LCP2: variants seen among roughly 807,000 people sequenced by gnomAD.
LCP2 encodes lymphocyte cytosolic protein 2, also known as 76 kDa tyrosine phosphoprotein.
A neutral mutation model predicts 74.5 loss-of-function variants in LCP2; 29 were observed. That is an observed-to-expected ratio of 0.39 (90% CI 0.29 to 0.53). LCP2 has a LOEUF of 0.53. Among genes scored for constraint, LCP2 ranks in the 20% least tolerant of loss-of-function variants. The probability of loss-of-function intolerance (pLI) is 0.72; values close to 1 mark genes in which losing one functional copy is unlikely to be tolerated. For synonymous variants in LCP2, 228 were observed against 229.5 expected (o/e 0.99, Z 0.06); for missense variants, 604 against 634.6 (o/e 0.95, Z 0.52).
intron 14 of LCP2, 21 bp downstream of exon 14, chr5:170,261,086 A>C (rs774879370): frequency 1.9e-6 from 3 of 1,578,528 alleles, no homozygotes; most frequent in Non-Finnish European, 2.6e-6. Flanking sequence ...AAGCACTTAC[A>C]AACTGACATT....
At chr5:170,282,525 G>C (rs1431989424) in intron 3 of LCP2, among the ~76,000 whole-genome samples, 1 of 152,158 alleles carries the variant, frequency 6.6e-6, no homozygotes, top group Non-Finnish European at 1.5e-5. Context: ...GTCAGCTTTA[G>C]AGCCTGGATC....
At chr5:170,282,208 G>A (rs1217198166) in intron 3 of LCP2, among the ~76,000 whole-genome samples, 1 of 152,142 alleles carries the variant, frequency 6.6e-6, no homozygotes, top group African/African-American at 2.4e-5. Flanking sequence ...TAAACGTCAG[G>A]GAAGGAAATA....
At chr5:170,260,300 G>A (rs1761629113) in intron 14 of LCP2, among the ~76,000 whole-genome samples, 1 of 152,160 alleles carries the variant, frequency 6.6e-6, no homozygotes, top group Non-Finnish European at 1.5e-5. Context: ...CACTTCATCG[G>A]AACAAGCACA....
rs1457299346 is a variant in LCP2 at position 170,247,592 on chromosome 5, A to G, written c.*1105T>C. 6.6e-6 allele frequency: 1 copy of G among 152,224 alleles called. No individual in the cohort carries two copies. The highest frequency in any genetic ancestry group is 1.5e-5 in the Non-Finnish European group (1 of 68,040). The allele number at this position is 152,224 out of a possible 1,614,324, so 9.4% of individuals were successfully genotyped here. On this transcript the variant is annotated 3_prime_UTR_variant, in exon 21 of 21. Coordinates refer to ENST00000046794, the MANE Select transcript of LCP2 (RefSeq NM_005565.5). ...TATTTGGCTGAATACCAGTTTTTTA[A>G]TCTGGCTGAATGCCTATATTTTTTG...
chr5:170,265,548 T>TC (rs1277878019), intron 10 of LCP2, among the ~76,000 whole-genome samples: 2 of 152,218 alleles, frequency 1.3e-5, no homozygotes, highest in African/African-American at 4.8e-5. Context: ...ATGTCTCGGC[T>TC]CGTGGTAGTG....
chr5:170,266,081 T>C (rs955379291), intron 10 of LCP2, among the ~76,000 whole-genome samples: 5 of 152,228 alleles, frequency 3.3e-5, no homozygotes, highest in Non-Finnish European at 5.9e-5. Flanking sequence ...GGATTAGAGA[T>C]ACTGTAGGTG....
chr5:170,257,213 A>C (rs1176878954), intron 16 of LCP2, among the ~76,000 whole-genome samples: 1 of 152,100 alleles, frequency 6.6e-6, no homozygotes, highest in Non-Finnish European at 1.5e-5. Flanking sequence ...TGTGCAAATG[A>C]AGGATGGGGT....
chr5:170,285,379 G>T (rs186128200), intron 3 of LCP2, among the ~76,000 whole-genome samples: 1 of 152,054 alleles, frequency 6.6e-6, no homozygotes, highest in Non-Finnish European at 1.5e-5. Flanking sequence ...TTTGTTGTGG[G>T]TTATATTTTC....
intron 3 of LCP2, among the ~76,000 whole-genome samples, chr5:170,277,235 T>C (rs1365865024): frequency 1.3e-5 from 2 of 152,156 alleles, no homozygotes; most frequent in Non-Finnish European, 2.9e-5. Context: ...GTCAGTTCCC[T>C]TTCTGCTGCA....
Position 170,256,577 on chromosome 5 carries a change from TGAG to T in LCP2, c.1101-5_1101-3del. 1 of 1,610,334 alleles carries T rather than the reference TGAG, an allele frequency of 6.2e-7. No individual in the cohort carries two copies. The highest frequency in any genetic ancestry group is 8.5e-7 in the Non-Finnish European group (1 of 1,176,674). On this transcript the variant is annotated splice_region_variant and splice_polypyrimidine_tract_variant and intron_variant, in intron 16 of 20. Transcript: ENST00000046794. This position sits in a 1 kb window ranked among gnomAD's most constrained non-coding sequence, Gnocchi z 4.5. ...GCACTCTGTGGAAAACTGCTGTTAC[TGAG>T]GAGACAGAAAAAGAACAAAATTTAT... is the stretch of plus-strand genomic sequence containing the variant.
intron 14 of LCP2, among the ~76,000 whole-genome samples, chr5:170,259,312 G>A (rs1761614034): frequency 6.6e-6 from 1 of 152,152 alleles, no homozygotes; most frequent in South Asian, 2.1e-4. Flanking sequence ...TTGCAGAGAT[G>A]GATTCAACCC....
chr5:170,284,327 T>C (rs952577532), intron 3 of LCP2, among the ~76,000 whole-genome samples: 7 of 152,222 alleles, frequency 4.6e-5, no homozygotes, highest in Admixed American at 1.3e-4. Flanking sequence ...AAGTCTTTAT[T>C]TCGTCTTCAT....
chr5:170,281,343 G>A (rs985233764), intron 3 of LCP2, among the ~76,000 whole-genome samples: 26 of 151,942 alleles, frequency 1.7e-4, no homozygotes, highest in South Asian at 6.3e-4. Flanking sequence ...GCAGTGCCAC[G>A]ATCTTGGCTC....
chr5:170,267,824 A>T (rs1223443080), intron 8 of LCP2, among the ~76,000 whole-genome samples: 7 of 152,164 alleles, frequency 4.6e-5, no homozygotes, highest in African/African-American at 1.7e-4. Context: ...TCTCAAAAGA[A>T]GGTCTTCAAA....
At chr5:170,282,151 C>G (rs955873983) in intron 3 of LCP2, among the ~76,000 whole-genome samples, 1 of 152,150 alleles carries the variant, frequency 6.6e-6, no homozygotes, top group Non-Finnish European at 1.5e-5. Context: ...AGAGAGCCTT[C>G]CTTACCACAA....
rs868260212 is a variant in LCP2 at position 170,270,668 on chromosome 5, G to A, written c.523+51C>T. 23 of 1,475,334 alleles carry A rather than the reference G, an allele frequency of 1.6e-5. 1 individual carries two copies. The highest frequency in any genetic ancestry group is 4.3e-5 in the South Asian group (3 of 69,586). 91.4% of individuals were successfully genotyped at this position (1,475,334 alleles called of 1,614,324 possible). ...CATCAGCCTTCCATGCAGCAGTGGC[G>A]AGCTTGCCTTTGGGCTGCTCGGGCC... On this transcript the variant is annotated intron_variant, in intron 7 of 20. Coordinates refer to ENST00000046794, the MANE Select transcript of LCP2 (RefSeq NM_005565.5).
intron 6 of LCP2, among the ~76,000 whole-genome samples, chr5:170,271,983 G>C (rs1240687320): frequency 6.6e-6 from 1 of 152,146 alleles, no homozygotes. Context: ...AGTGAGCATT[G>C]GGTGCCTTCC....
chr5:170,294,178 A>G (rs1762334013), intron 1 of LCP2, among the ~76,000 whole-genome samples: 1 of 152,248 alleles, frequency 6.6e-6, no homozygotes, highest in Admixed American at 6.5e-5. Context: ...TAATTACAGC[A>G]TAACTTATAT....
At chr5:170,290,984 GAA>G (rs1315197302) in intron 2 of LCP2, among the ~76,000 whole-genome samples, 122 of 93,402 alleles carry the variant, frequency 1.3e-3, no homozygotes, top group African/African-American at 5.0e-3. Context: ...AAGAAAGAAA[GAA>G]AGAAAGAAAG....
Sources: allele counts gnomAD v4.1 joint callset (sites outside exome capture counted in the v4.1 genomes callset), GRCh38; gene constraint gnomAD v4.1.1; non-coding constraint Gnocchi (gnomAD v3.1); transcripts MANE v1.5; gene names NCBI Gene and HGNC (gene_info 2026-07-23, HGNC 2026-07-21).